TMPRSS15: variants seen among roughly 807,000 people sequenced by gnomAD.
TMPRSS15 encodes the protein enteropeptidase.
In TMPRSS15, 128 loss-of-function variants were observed where a neutral mutation model predicts 125.3. The ratio of observed to expected loss-of-function variants is 1.02; its 90% CI spans 0.89 to 1.18. The LOEUF is 1.18. TMPRSS15 is among the 50% of genes most tolerant of loss of function. The probability of loss-of-function intolerance (pLI) is 0.00; values close to 1 mark genes in which losing one functional copy is unlikely to be tolerated. For synonymous variants in TMPRSS15, 446 were observed against 423.2 expected, an observed-to-expected ratio of 1.05 and a Z score of -0.66; for missense variants, 1,283 against 1,212.7, an observed-to-expected ratio of 1.06 and a Z score of -0.86.
chr21:18,371,489 C>A (rs1408095592), intron 6 of TMPRSS15, among the ~76,000 whole-genome samples: 1 of 152,088 alleles, frequency 6.6e-6, no homozygotes, highest in Non-Finnish European at 1.5e-5. Flanking sequence ...AGAGTAAATA[C>A]GTTTAAATCA....
At chr21:18,294,010 T>G (rs190217762) in intron 21 of TMPRSS15, among the ~76,000 whole-genome samples, 1 of 152,342 alleles carries the variant, frequency 6.6e-6, no homozygotes, top group East Asian at 1.9e-4. Flanking sequence ...TTTTTATGTA[T>G]GTAAAAGTGT....
At chr21:18,303,639 G>A (rs2074998159) in intron 18 of TMPRSS15, among the ~76,000 whole-genome samples, 1 of 152,028 alleles carries the variant, frequency 6.6e-6, no homozygotes, top group African/African-American at 2.4e-5. Context: ...CAGGATCTAA[G>A]GAAATGATAA....
intron 13 of TMPRSS15, among the ~76,000 whole-genome samples, chr21:18,341,128 T>C (rs2146985019): frequency 6.6e-6 from 1 of 152,280 alleles, no homozygotes; most frequent in East Asian, 1.9e-4. Flanking sequence ...GTGACATGAT[T>C]ACAGCTCACA....
intron 12 of TMPRSS15, 80 bp downstream of exon 12, chr21:18,343,426 T>C (rs2075469369): frequency 7.7e-7 from 1 of 1,301,402 alleles, no homozygotes; most frequent in African/African-American, 1.5e-5. Context: ...AATACATTAA[T>C]TTTTTCACTG....
chr21:18,478,236 A>T (rs1362354895), intron 1 of TMPRSS15, among the ~76,000 whole-genome samples: 2 of 151,766 alleles, frequency 1.3e-5, no homozygotes, highest in Non-Finnish European at 2.9e-5. Flanking sequence ...TAGTACTTAA[A>T]TCTCAAATGA....
chr21:18,417,372 G>A (rs1240245186), intron 1 of TMPRSS15, among the ~76,000 whole-genome samples: 3 of 152,050 alleles, frequency 2.0e-5, no homozygotes, highest in Non-Finnish European at 4.4e-5. Flanking sequence ...ACAAGCAGGT[G>A]CAATTACAGC....
chr21:18,425,853 T>TA (rs960401834), intron 1 of TMPRSS15, among the ~76,000 whole-genome samples: 2 of 152,102 alleles, frequency 1.3e-5, no homozygotes, highest in Admixed American at 6.6e-5. Flanking sequence ...ACTCTTGCTG[T>TA]AAAAAACCCT....
At chr21:18,348,418 C>T (rs2075531834) in intron 10 of TMPRSS15, among the ~76,000 whole-genome samples, 1 of 152,148 alleles carries the variant, frequency 6.6e-6, no homozygotes, top group African/African-American at 2.4e-5. Flanking sequence ...GATAGTAGAA[C>T]TTCCTGAGAT....
intron 5 of TMPRSS15, among the ~76,000 whole-genome samples, chr21:18,375,192 T>C (rs777610215): frequency 6.6e-6 from 1 of 152,216 alleles, no homozygotes. Flanking sequence ...GTGATTCTTA[T>C]GCAATGGTAG....
At chr21:18,394,976 A>T (rs1199123854) in intron 3 of TMPRSS15, among the ~76,000 whole-genome samples, 1 of 152,226 alleles carries the variant, frequency 6.6e-6, no homozygotes, top group Non-Finnish European at 1.5e-5. Context: ...GAATAAAAAG[A>T]TTGTAAACTT....
rs935851369 is a variant in TMPRSS15 at position 18,312,890 on chromosome 21, T to C, written c.2165+55A>G. 4.4e-6 allele frequency: 7 copies of C among 1,602,642 alleles called. No homozygotes were observed. The African/African-American group carries it at 8.0e-5, about 18-fold the overall frequency. ...AAAGCTCTTATTAAACCTAATTTGATAGTAATAAAAAGGTTTGCAAATCTC... is the reference window on the plus strand; with the variant it reads ...AAAGCTCTTATTAAACCTAATTTGACAGTAATAAAAAGGTTTGCAAATCTC... On this transcript the variant is annotated intron_variant, in intron 18 of 24. Transcript: ENST00000284885.
intron 18 of TMPRSS15, among the ~76,000 whole-genome samples, chr21:18,305,480 G>A (rs771466360): frequency 4.6e-5 from 7 of 152,118 alleles, no homozygotes; most frequent in Non-Finnish European, 8.8e-5. Context: ...GAGCCACCAC[G>A]CCCGGCCCCT....
At chr21:18,367,192 C>T (rs9983501) in intron 6 of TMPRSS15, among the ~76,000 whole-genome samples, 38,641 of 151,800 alleles carry the variant, frequency 0.25, 5,093 homozygotes, top group Middle Eastern at 0.3. Context: ...GAAAAGATAA[C>T]AAGTCAAGAA....
intron 24 of TMPRSS15, among the ~76,000 whole-genome samples, chr21:18,273,892 AT>A (rs1172147343): frequency 2.0e-5 from 3 of 152,240 alleles, no homozygotes; most frequent in Non-Finnish European, 4.4e-5. Flanking sequence ...AACTGAAGAT[AT>A]TGATTTAACT....
chr21:18,287,689 G>C (rs2074781905), intron 21 of TMPRSS15, among the ~76,000 whole-genome samples: 1 of 152,116 alleles, frequency 6.6e-6, no homozygotes, highest in African/African-American at 2.4e-5. Flanking sequence ...GCACGATATA[G>C]GTCAAGAGAG....
intron 1 of TMPRSS15, among the ~76,000 whole-genome samples, chr21:18,425,128 A>C (rs1021846441): frequency 6.6e-6 from 1 of 151,872 alleles, no homozygotes; most frequent in Admixed American, 6.6e-5. Flanking sequence ...GTGAAAATTT[A>C]AAAGAATATA....
intron 1 of TMPRSS15, among the ~76,000 whole-genome samples, chr21:18,442,975 G>A (rs1212231252): frequency 6.6e-6 from 1 of 152,168 alleles, no homozygotes; most frequent in African/African-American, 2.4e-5. Context: ...GTGATGGGAT[G>A]TAGGTTAATT....
At chr21:18,359,144 C>A (rs979523020) in intron 8 of TMPRSS15, among the ~76,000 whole-genome samples, 1 of 151,944 alleles carries the variant, frequency 6.6e-6, no homozygotes, top group South Asian at 2.1e-4. Context: ...CATTTTGGGG[C>A]CCGGTGGAAT....
intron 15 of TMPRSS15, among the ~76,000 whole-genome samples, chr21:18,328,453 T>C (rs1347808905): frequency 2.0e-5 from 3 of 152,322 alleles, no homozygotes; most frequent in Admixed American, 1.3e-4. Context: ...GGACATCCGA[T>C]GTACACATAA....
Sources: gnomAD v4.1 joint callset for allele counts (sites outside exome capture counted in the v4.1 genomes callset) on GRCh38, gnomAD v4.1.1 for gene constraint, MANE v1.5 for transcripts, NCBI Gene and HGNC (gene_info 2026-07-23, HGNC 2026-07-21) for gene names.